Variants in CEBPZ observed in about 807,000 individuals in gnomAD.
CEBPZ encodes the protein CCAAT/enhancer-binding protein zeta.
A neutral mutation model predicts 104.5 loss-of-function variants in CEBPZ; 78 were observed. That is an observed-to-expected ratio of 0.75 (90% CI 0.62 to 0.90). CEBPZ has a LOEUF of 0.90. Among genes scored for constraint, CEBPZ ranks in the 40% least tolerant of loss-of-function variants. The probability of loss-of-function intolerance (pLI) is 0.00; values close to 1 mark genes in which losing one functional copy is unlikely to be tolerated. For synonymous variants in CEBPZ, 470 were observed against 427.0 expected (o/e 1.10, Z -1.24); for missense variants, 1,439 against 1,233.5 (o/e 1.17, Z -2.50).
At chr2:37,226,310 G>C (rs2148362021) in intron 2 of CEBPZ, among the ~76,000 whole-genome samples, 1 of 152,266 alleles carries the variant, frequency 6.6e-6, no homozygotes, top group East Asian at 1.9e-4. Flanking sequence ...GCTGTTAAGA[G>C]GATTAAACTA....
chr2:37,210,710 TAC>T, intron 13 of CEBPZ: 1 of 282,842 alleles, frequency 3.5e-6, no homozygotes. Flanking sequence ...CAGAAATCAC[TAC>T]TAAAGAACTT....
intron 5 of CEBPZ, 62 bp from the exon 6 acceptor site, chr2:37,217,099 CT>C (rs1198937745): frequency 7.1e-7 from 1 of 1,417,364 alleles, no homozygotes; most frequent in African/African-American, 1.4e-5. Flanking sequence ...ACATTTATAG[CT>C]TATTTAAGAA....
rs202125449 is a variant in CEBPZ, at chr2:37,228,620, T to G, written c.573A>C (p.Glu191Asp). ...CCTGAGGCTGGGGTTTCAAAGAATA[T>G]TCATTGCTGTACTCCAGATCATACC... The part of the protein sequence containing the change: ...GKWYDLEYSN[E>D]YSLKPQPQDV... The change falls in exon 2 of 16, where the codon GAA becomes GAC. Residue 191 changes from glutamate to aspartate, a missense_variant. By Grantham distance (45) the Glu-to-Asp change is conservative. Coordinates refer to ENST00000234170, the MANE Select transcript of CEBPZ (RefSeq NM_005760.3). The G allele has an allele frequency of 9.7e-5, 157 of 1,614,072 alleles. No individual in the cohort carries two copies. Among genetic ancestry groups the G allele is most frequent in the Non-Finnish European group, 6.8e-5 (80 of 1,180,032 alleles).
Position 37,216,032 on chromosome 2 carries a change from T to C in CEBPZ, c.2380+108A>G, listed in dbSNP as rs1677858596. On this transcript the variant is annotated intron_variant, in intron 8 of 15. Coordinates refer to ENST00000234170, the MANE Select transcript of CEBPZ (RefSeq NM_005760.3). ...TTGGGAAAAAAGATGGATAATGTCTTTGATGCTCAGGTTTTATTCTGATAA... is the reference window on the plus strand; with the variant it reads ...TTGGGAAAAAAGATGGATAATGTCTCTGATGCTCAGGTTTTATTCTGATAA... The C allele has an allele frequency of 9.0e-6, 7 of 778,762 alleles. No individual in the cohort carries two copies. In the South Asian group the frequency reaches 1.4e-4, roughly 15 times the overall value. The allele number at this position is 778,762 out of a possible 1,614,324, so 48.2% of individuals were successfully genotyped here. A position where few individuals can be genotyped will look rare whatever the true frequency, so the allele number is the denominator to read the frequency against.
chr2:37,202,062 A>G (rs952981453), intron 15 of CEBPZ, 159 bp from the exon 16 acceptor site: 6 of 477,264 alleles, frequency 1.3e-5, no homozygotes, highest in Non-Finnish European at 2.2e-5. Context: ...TTTTCTTCTC[A>G]TATTTATTGT....
At chr2:37,227,356 A>G (rs1478059727) in intron 2 of CEBPZ, among the ~76,000 whole-genome samples, 188 bp downstream of exon 2, 1 of 152,216 alleles carries the variant, frequency 6.6e-6, no homozygotes, top group East Asian at 1.9e-4. Context: ...CAAAGCATCT[A>G]ATATAATTTG....
intron 2 of CEBPZ, among the ~76,000 whole-genome samples, chr2:37,223,780 T>G (rs940506153): frequency 6.6e-6 from 1 of 152,130 alleles, no homozygotes; most frequent in African/African-American, 2.4e-5. Flanking sequence ...CATTAGAAGA[T>G]TTGGGTTTTT....
intron 11 of CEBPZ, 110 bp downstream of exon 11, chr2:37,212,225 T>TAAG (rs1677743320): frequency 4.6e-6 from 5 of 1,084,350 alleles, no homozygotes; most frequent in Non-Finnish European, 6.9e-6. Flanking sequence ...TTCCCAAACT[T>TAAG]ACTTGACTAC....
At chr2:37,203,608 G>T (rs745722794) in intron 13 of CEBPZ, 2 of 152,096 alleles carry the variant, frequency 1.3e-5, no homozygotes, top group Non-Finnish European at 2.9e-5. Flanking sequence ...ATAACATTCA[G>T]CTGTTTTAAG....
intron 11 of CEBPZ, 26 bp from the exon 12 acceptor site, chr2:37,212,065 C>T (rs375599099): frequency 2.2e-4 from 342 of 1,548,916 alleles, no homozygotes; most frequent in Non-Finnish European, 2.8e-4. Context: ...ACTTGTAATA[C>T]AAGAGGAGGC....
intron 11 of CEBPZ, 48 bp downstream of exon 11, chr2:37,212,287 T>C (rs1558471046): frequency 6.5e-7 from 1 of 1,531,536 alleles, no homozygotes. Context: ...GGGACAACAA[T>C]TTGGGAAATG....
intron 13 of CEBPZ, among the ~76,000 whole-genome samples, chr2:37,208,610 C>A (rs1429645156): frequency 6.6e-6 from 1 of 152,072 alleles, no homozygotes; most frequent in Admixed American, 6.5e-5. Context: ...GATTTAAACC[C>A]TCAGCAAAAC....
intron 12 of CEBPZ, 21 bp downstream of exon 12, chr2:37,211,822 C>G: frequency 6.5e-7 from 1 of 1,547,908 alleles, no homozygotes; most frequent in Non-Finnish European, 8.7e-7. Context: ...CAGTTTATGT[C>G]TTATTTTAAA....
At position 37,223,277 on chromosome 2, in the gene CEBPZ, G is replaced by C. The variant is rs755655933; in HGVS notation, c.1774C>G (p.Gln592Glu). The C allele has an allele frequency of 3.7e-6, 6 of 1,614,118 alleles. No homozygotes were observed. Among genetic ancestry groups the C allele is most frequent in the African/African-American group, 1.3e-5 (1 of 75,024 alleles). Reference protein sequence around the residue: ...RVKAFVKRLLQVTCQQMPPFI... With the variant: ...RVKAFVKRLLEVTCQQMPPFI... ...GGTGGCATCTGTTGACAAGTAACTT[G>C]AAGTAACCTCTTCACAAAAGCCTTC... Residue 592 changes from glutamine (Q) to glutamate (E), a missense_variant, in exon 3 of 16, where the codon CAA becomes GAA. Coordinates refer to ENST00000234170, the MANE Select transcript of CEBPZ (RefSeq NM_005760.3).
In CEBPZ at chr2:37,228,491, C is replaced by A. The variant is rs778967036; in HGVS notation, c.702G>T (p.Trp234Cys). The change falls in exon 2 of 16, where the codon TGG (tryptophan) becomes TGT (cysteine). Residue 234 changes from tryptophan (W) to cysteine (C), a missense_variant. Trp to Cys is a radical substitution (Grantham distance 215). Transcript: ENST00000234170. ...TCCCCGATGACACAATTGCCTTCAT[C>A]CAGGTAGAAGAGGCTCCCTTTTGAC... ...TNSQKGASSTWMKAIVSSGTL... is the reference protein window; with the variant it reads ...TNSQKGASSTCMKAIVSSGTL... 2.4e-5 allele frequency: 38 copies of A among 1,614,214 alleles called. 1 individual carries two copies. In the South Asian group the frequency reaches 4.1e-4, roughly 17 times the overall value.
intron 15 of CEBPZ, chr2:37,202,209 T>A (rs532408232): frequency 1.6e-5 from 3 of 190,130 alleles, no homozygotes; most frequent in South Asian, 3.7e-4. Flanking sequence ...CCCACTTCCC[T>A]AAAAAAAAGT....
At chr2:37,220,885 TA>T (rs1288519648) in intron 4 of CEBPZ, among the ~76,000 whole-genome samples, 1 of 152,152 alleles carries the variant, frequency 6.6e-6, no homozygotes, top group Non-Finnish European at 1.5e-5. Flanking sequence ...TAGTCCCAGC[TA>T]TTCGGGAGAC....
chr2:37,222,365 A>G lies in CEBPZ; in HGVS notation c.2065+15T>C, dbSNP rs766692607. 6.4e-7 allele frequency: 1 copy of G among 1,560,520 alleles called. No individual in the cohort carries two copies. Among genetic ancestry groups the G allele is most frequent in the Non-Finnish European group, 8.6e-7 (1 of 1,159,414 alleles). ...GAAACAAACTCCCTAGAGAATAAAG[A>G]TGAAAAAAACTCACCTTTCAAATTA... On this transcript the variant is annotated intron_variant, in intron 4 of 15. Coordinates refer to ENST00000234170, the MANE Select transcript of CEBPZ (RefSeq NM_005760.3).
intron 5 of CEBPZ, among the ~76,000 whole-genome samples, chr2:37,219,008 A>G (rs566559293): frequency 6.6e-6 from 1 of 152,352 alleles, no homozygotes; most frequent in Non-Finnish European, 1.5e-5. Context: ...GAAAAGTTTT[A>G]CAAATTGAGA....
Sources: allele counts gnomAD v4.1 joint callset (sites outside exome capture counted in the v4.1 genomes callset), GRCh38; gene constraint gnomAD v4.1.1; transcripts MANE v1.5; gene names NCBI Gene and HGNC (gene_info 2026-07-23, HGNC 2026-07-21).